The following EPN1 variants were observed in gnomAD, a reference collection of about 807,000 sequenced individuals.
The protein encoded by EPN1 is epsin 1.
In EPN1, 25 loss-of-function variants were observed where a neutral mutation model predicts 56.9. The ratio of observed to expected loss-of-function variants is 0.44; its 90% confidence interval spans 0.32 to 0.61. The LOEUF (loss-of-function observed/expected upper bound fraction) is 0.61, where lower values mean the gene tolerates loss of function less well. Among genes scored for constraint, EPN1 ranks in the 20% least tolerant of loss-of-function variants. The pLI, the probability that EPN1 is intolerant of heterozygous loss-of-function variation, is 0.05. For missense variants in EPN1, 785 were observed against 823.7 expected (o/e 0.95, Z 0.58); for synonymous variants, 411 against 361.8 (o/e 1.14, Z -1.54).
At chr19:55,692,292 C>T (rs569494022) in intron 7 of EPN1, among the ~76,000 whole-genome samples, 4 of 149,878 alleles carry the variant, frequency 2.7e-5, no homozygotes, top group South Asian at 4.2e-4. Context: ...GCAGCTCAGC[C>T]GAGGGGCAGA....
In EPN1 at chr19:55,709,083, AT is replaced by A. The variant is rs745987672; in HGVS notation, c.*13732del. 2 of 1,498,288 alleles carry A rather than the reference AT, an allele frequency of 1.3e-6. No homozygotes were observed. Among genetic ancestry groups the A allele is most frequent in the Admixed American group, 2.4e-5 (1 of 41,970 alleles). The allele number at this position is 1,498,288 out of a possible 1,614,324, so 92.8% of individuals were successfully genotyped here. On this transcript the variant is annotated 3_prime_UTR_variant, in exon 11 of 11. Transcript: ENST00000270460. ...AATAAAGTTTTTTTTTTTGTTTTTCATTTTTACACAGTATTGCCTCTCTACA... is the reference window on the plus strand; with the variant it reads ...AATAAAGTTTTTTTTTTTGTTTTTCATTTTACACAGTATTGCCTCTCTACA...
At chr19:55,690,392 C>G (rs73933310) in intron 6 of EPN1, among the ~76,000 whole-genome samples, 3,398 of 152,362 alleles carry the variant, frequency 0.022, 140 homozygotes, top group African/African-American at 0.078. Flanking sequence ...GTCCCGCCCT[C>G]GCGAACACTG....
chr19:55,681,803 T>C (rs1985836588), intron 2 of EPN1, among the ~76,000 whole-genome samples: 1 of 130,804 alleles, frequency 7.6e-6, no homozygotes, highest in African/African-American at 3.7e-5. Context: ...TTTTGCAAAC[T>C]TTTTTTTTTT....
At chr19:55,684,809 A>G (rs1329968905) in intron 2 of EPN1, among the ~76,000 whole-genome samples, 1 of 152,168 alleles carries the variant, frequency 6.6e-6, no homozygotes, top group Non-Finnish European at 1.5e-5. Flanking sequence ...TTTTAGTTGT[A>G]AAGAAATAGA....
At chr19:55,684,403 C>A (rs1267194131) in intron 2 of EPN1, among the ~76,000 whole-genome samples, 2 of 152,132 alleles carry the variant, frequency 1.3e-5, no homozygotes, top group Non-Finnish European at 2.9e-5. Flanking sequence ...GGGGCCATGA[C>A]TCCTCAAGCC....
chr19:55,682,711 G>C (rs1232791688), intron 2 of EPN1, among the ~76,000 whole-genome samples: 1 of 152,038 alleles, frequency 6.6e-6, no homozygotes, highest in East Asian at 1.9e-4. Context: ...GGGGTTACAG[G>C]ATTTTGCCAC....
chr19:55,686,256 G>GT (rs1264403699), intron 3 of EPN1, among the ~76,000 whole-genome samples: 1 of 152,234 alleles, frequency 6.6e-6, no homozygotes, highest in Non-Finnish European at 1.5e-5. Flanking sequence ...TATGTGATGG[G>GT]TGTGTGGGTC....
chr19:55,684,276 C>G (rs1986020277), intron 2 of EPN1, among the ~76,000 whole-genome samples: 1 of 152,128 alleles, frequency 6.6e-6, no homozygotes, highest in African/African-American at 2.4e-5. Context: ...TGACTCTTCC[C>G]CTAGGAGCCC....
chr19:55,692,041 A>G lies in EPN1; in HGVS notation c.1050A>G (p.Pro350=), dbSNP rs1986591995. Residue 350 remains proline, a synonymous_variant, in exon 7 of 11, where the codon CCA becomes CCG. Coordinates refer to ENST00000270460, the MANE Select transcript of EPN1 (RefSeq NM_001130072.2). ...PAAGEGPTPD[P]WGSSDGGVPV... ...CTGGGGAGGGGCCCACGCCTGATCC[A>G]TGGGGAAGTTCCGATGGTGAGTGCG... 9.6e-6 allele frequency: 14 copies of G among 1,452,356 alleles called. No homozygotes were observed. Among genetic ancestry groups the G allele is most frequent in the Non-Finnish European group, 1.3e-5 (14 of 1,108,902 alleles). The allele number at this position is 1,452,356 out of a possible 1,614,324, so 90.0% of individuals were successfully genotyped here. A position where few individuals can be genotyped will look rare whatever the true frequency, so the allele number is the denominator to read the frequency against.
Position 55,695,448 on chromosome 19 carries a change from C to T in EPN1, c.*92C>T. 1.0e-5 allele frequency: 7 copies of T among 698,246 alleles called. No individual in the cohort carries two copies. The highest frequency in any genetic ancestry group is 1.8e-5 in the African/African-American group (1 of 56,094). 43.3% of individuals were successfully genotyped at this position (698,246 alleles called of 1,614,324 possible). ...GTGAGTGCATGTGAAATGGGGGATC[C>T]CCACCCCCAGTGCCCTTCCCCTTCC... On this transcript the variant is annotated 3_prime_UTR_variant, in exon 11 of 11. Coordinates refer to ENST00000270460, the MANE Select transcript of EPN1 (RefSeq NM_001130072.2). The surrounding 1 kb of genome is among the most constrained non-coding windows in gnomAD (Gnocchi z 4.4).
At chr19:55,676,976 T>TC in intron 1 of EPN1, 2 of 655,856 alleles carry the variant, frequency 3.0e-6, no homozygotes, top group Non-Finnish European at 5.0e-6. Context: ...CTCTTCATCT[T>TC]AATGTATTAG....
At chr19:55,693,192 C>T (rs867919858) in intron 9 of EPN1, 155 bp downstream of exon 9, 2 of 578,720 alleles carry the variant, frequency 3.5e-6, no homozygotes, top group Middle Eastern at 4.6e-4. Flanking sequence ...GAACCATCCA[C>T]CTGTCTTTAA....
At position 55,704,714 on chromosome 19, in the gene EPN1, C is replaced by CCCGAGTCCCT. The variant is rs1771667319; in HGVS notation, c.*9359_*9368dup. Reference sequence around the variant, plus strand: ...CGCAAAAGCTCACGCATGTGTCTCTCCCGAGTCCCTGGAGGGTCCTGCCAC... The same window carrying CCCGAGTCCCT: ...CGCAAAAGCTCACGCATGTGTCTCTCCCGAGTCCCTCCGAGTCCCTGGAGGGTCCTGCCAC... On this transcript the variant is annotated 3_prime_UTR_variant, in exon 11 of 11. Transcript: ENST00000270460. The CCCGAGTCCCT allele has an allele frequency of 6.6e-6, 1 of 152,570 alleles. No individual in the cohort carries two copies. 9.5% of individuals were successfully genotyped at this position (152,570 alleles called of 1,614,324 possible). A position where few individuals can be genotyped will look rare whatever the true frequency, so the allele number is the denominator to read the frequency against.
In EPN1 at chr19:55,689,195, A is replaced by AC. The variant is rs1394280075; in HGVS notation, c.604-97dup. On this transcript the variant is annotated intron_variant, in intron 4 of 10. Transcript: ENST00000270460. The surrounding 1 kb of genome is among the most constrained non-coding windows in gnomAD (Gnocchi z 5.7). Reference sequence around the variant, plus strand: ...CTGCCTGTCCCTCACTGGTTCAGGGACCCCCAGCCCTCTCTTTCTTCGGCT... The same window carrying AC: ...CTGCCTGTCCCTCACTGGTTCAGGGACCCCCCAGCCCTCTCTTTCTTCGGCT... The AC allele has an allele frequency of 3.5e-6, 4 of 1,134,376 alleles. No individual in the cohort carries two copies. The highest frequency in any genetic ancestry group is 3.1e-5 in the African/African-American group (2 of 63,902). 70.3% of individuals were successfully genotyped at this position (1,134,376 alleles called of 1,614,324 possible). A position where few individuals can be genotyped will look rare whatever the true frequency, so the allele number is the denominator to read the frequency against.
intron 7 of EPN1, among the ~76,000 whole-genome samples, chr19:55,692,401 C>T (rs931220805): frequency 1.9e-4 from 29 of 149,000 alleles, no homozygotes; most frequent in African/African-American, 7.3e-4. Context: ...TGACACCCAG[C>T]TGGACAGGGG....
chr19:55,704,172 A>C lies in EPN1; in HGVS notation c.*8816A>C, dbSNP rs931480896. On this transcript the variant is annotated 3_prime_UTR_variant, in exon 11 of 11. Transcript: ENST00000270460. ...GCACACTAGACGGCACGTGCTCTCC[A>C]CGCTCTTTCTCCAGCGCCCCTTGCT... The C allele has an allele frequency of 6.6e-6, 1 of 152,310 alleles. No individual in the cohort carries two copies. Among genetic ancestry groups the C allele is most frequent in the East Asian group, 1.9e-4 (1 of 5,180 alleles). The allele number at this position is 152,310 out of a possible 1,614,324, so 9.4% of individuals were successfully genotyped here.
rs774475182 is a variant in EPN1, at chr19:55,692,998, C to T, written c.1225C>T (p.Arg409Ter). ...GCCCGACGAGTTCTCTGACTTTGAC[C>T]GACTCCGCACGGCACTGCCGACCTC... Reference protein sequence around the residue: ...TEPDEFSDFDRLRTALPTSGS... With the variant: ...TEPDEFSDFD The change falls in exon 9 of 11, where the codon CGA (arginine) becomes TGA (stop). Residue 409 changes from arginine to a stop codon, truncating the protein, a stop_gained. Coordinates refer to ENST00000270460, the MANE Select transcript of EPN1 (RefSeq NM_001130072.2). LOFTEE classifies it high-confidence loss of function. 1.9e-6 allele frequency: 3 copies of T among 1,613,436 alleles called. No individual in the cohort carries two copies. Among genetic ancestry groups the T allele is most frequent in the Non-Finnish European group, 2.5e-6 (3 of 1,179,646 alleles).
In EPN1 at chr19:55,698,646, TC is replaced by T. The variant is rs1193507393; in HGVS notation, c.*3291del. 6.6e-6 allele frequency: 1 copy of T among 152,392 alleles called. No homozygotes were observed. The highest frequency in any genetic ancestry group is 1.5e-5 in the Non-Finnish European group (1 of 68,142). 9.4% of individuals were successfully genotyped at this position (152,392 alleles called of 1,614,324 possible). ...CTCAGGGCTTTCAGTCCTGCCTTGA[TC>T]TTTTTTTATACTGAAACTCAATTTT... is the stretch of plus-strand genomic sequence containing the variant. On this transcript the variant is annotated 3_prime_UTR_variant, in exon 11 of 11. Coordinates refer to ENST00000270460, the MANE Select transcript of EPN1 (RefSeq NM_001130072.2).
Position 55,704,799 on chromosome 19 carries a change from G to A in EPN1, c.*9443G>A, listed in dbSNP as rs143245123. 1,061 of 152,672 alleles carry A rather than the reference G, an allele frequency of 6.9e-3. 3 individuals carry two copies. The highest frequency in any genetic ancestry group is 0.012 in the Non-Finnish European group (795 of 68,286). The allele number at this position is 152,672 out of a possible 1,614,324, so 9.5% of individuals were successfully genotyped here. On this transcript the variant is annotated 3_prime_UTR_variant, in exon 11 of 11. Coordinates refer to ENST00000270460, the MANE Select transcript of EPN1 (RefSeq NM_001130072.2). ...CTCCTGGGCCCCCTGCTCCAGCACCGCTCCCTTCCTTCTGTAATACAGACA... is the reference window on the plus strand; with the variant it reads ...CTCCTGGGCCCCCTGCTCCAGCACCACTCCCTTCCTTCTGTAATACAGACA...
Sources: allele counts gnomAD v4.1 joint callset (sites outside exome capture counted in the v4.1 genomes callset), GRCh38; gene constraint gnomAD v4.1.1; non-coding constraint Gnocchi (gnomAD v3.1); transcripts MANE v1.5; gene names NCBI Gene and HGNC (gene_info 2026-07-23, HGNC 2026-07-21).